The following WNK2 variants were observed in gnomAD, a reference collection of about 807,000 sequenced individuals.
WNK2 encodes the protein serine/threonine-protein kinase WNK2.
A neutral mutation model predicts 192.1 loss-of-function variants in WNK2; 67 were observed. That is an observed-to-expected ratio of 0.35 (90% CI 0.29 to 0.43). The LOEUF (loss-of-function observed/expected upper bound fraction) is 0.43, where lower values mean the gene tolerates loss of function less well. Among genes scored for constraint, WNK2 ranks in the 20% least tolerant of loss-of-function variants. WNK2 has a pLI of 1.00. For missense variants in WNK2, 2,698 were observed against 3,089.7 expected, an observed-to-expected ratio of 0.87 and a Z score of 3.01; for synonymous variants, 1,439 against 1,393.9, an observed-to-expected ratio of 1.03 and a Z score of -0.72.
In WNK2 at chr9:93,240,446, G is replaced by A. The variant is rs116405792; in HGVS notation, c.1542+470G>A. Among the ~76,000 whole-genome samples the A allele has an allele frequency of 6.5e-3, 993 of 152,270 alleles. 8 individuals are homozygous for A. Among genetic ancestry groups the A allele is most frequent in the Middle Eastern group, 0.017 (5 of 294 alleles). ...TTTTCCACCTAGAAAGGCGGGTTGG[G>A]GGTACCTTTCCGCCTCTTCTCTTCC... is the stretch of plus-strand genomic sequence containing the variant. On this transcript the variant is annotated intron_variant, in intron 7 of 29. Transcript: ENST00000427277.
At chr9:93,206,622 G>A (rs553225309) in intron 2 of WNK2, among the ~76,000 whole-genome samples, 1 of 152,266 alleles carries the variant, frequency 6.6e-6, no homozygotes, top group East Asian at 1.9e-4. Context: ...GCCTGTCCCA[G>A]GAGCCAGCAC....
chr9:93,230,359 G>T (rs1259184440), intron 3 of WNK2, among the ~76,000 whole-genome samples: 1 of 152,166 alleles, frequency 6.6e-6, no homozygotes, highest in African/African-American at 2.4e-5. Flanking sequence ...CCTCAGCCGG[G>T]CAGTTTCCGT....
intron 19 of WNK2, among the ~76,000 whole-genome samples, chr9:93,284,531 G>A (rs1299642722): frequency 1.3e-5 from 2 of 151,120 alleles, no homozygotes; most frequent in African/African-American, 4.9e-5. Context: ...TTTGAGATGG[G>A]GAACAAGATA....
chr9:93,239,681 G>T lies in WNK2; in HGVS notation c.1323-76G>T. The T allele has an allele frequency of 7.5e-7, 1 of 1,332,682 alleles. No individual in the cohort carries two copies. Among genetic ancestry groups the T allele is most frequent in the Non-Finnish European group, 1.0e-6 (1 of 965,890 alleles). The allele number at this position is 1,332,682 out of a possible 1,614,324, so 82.6% of individuals were successfully genotyped here. A position where few individuals can be genotyped will look rare whatever the true frequency, so the allele number is the denominator to read the frequency against. On this transcript the variant is annotated intron_variant, in intron 6 of 29. Coordinates refer to ENST00000427277, the MANE Select transcript of WNK2 (RefSeq NM_006648.4). This position sits in a 1 kb window ranked among gnomAD's most constrained non-coding sequence, Gnocchi z 4.2. ...TGCAGGTGTGCCTGTCCTTGTCCTG[G>T]TGCGCATGGACACAGGAGCCTGGGC...
intron 8 of WNK2, among the ~76,000 whole-genome samples, chr9:93,251,207 C>T (rs1365204359): frequency 6.6e-6 from 1 of 152,156 alleles, no homozygotes; most frequent in African/African-American, 2.4e-5. Context: ...CCACCATCTC[C>T]TGGGTTCAAG....
At chr9:93,307,646 G>A (rs909699476) in intron 27 of WNK2, 15 of 152,394 alleles carry the variant, frequency 9.8e-5, no homozygotes, top group Admixed American at 5.9e-4. Flanking sequence ...CCCATGGCAG[G>A]AGCTGGTGGG....
chr9:93,293,867 G>A (rs1849782625), intron 23 of WNK2, among the ~76,000 whole-genome samples: 1 of 150,344 alleles, frequency 6.7e-6, no homozygotes, highest in Non-Finnish European at 1.5e-5. Context: ...TTCTCTCCCT[G>A]TCTCGCTTCC....
chr9:93,317,344 G>A, intron 28 of WNK2, 176 bp from the exon 29 acceptor site: 2 of 641,340 alleles, frequency 3.1e-6, no homozygotes, highest in South Asian at 1.9e-5. Context: ...GAGGGTGATG[G>A]TTCCTGGCCC....
intron 28 of WNK2, among the ~76,000 whole-genome samples, chr9:93,314,259 G>T (rs1854194595): frequency 6.6e-6 from 1 of 151,766 alleles, no homozygotes; most frequent in Non-Finnish European, 1.5e-5. Context: ...TCCAGCCTGG[G>T]CGACAAGAGC....
chr9:93,184,894 C>G (rs1189001194), intron 1 of WNK2, 34 bp from the exon 2 acceptor site: 2 of 1,214,388 alleles, frequency 1.6e-6, no homozygotes, highest in African/African-American at 1.6e-5. Context: ...GCAGGGCCGG[C>G]GCTCACGCGG....
intron 2 of WNK2, among the ~76,000 whole-genome samples, chr9:93,225,358 G>A (rs1417438497): frequency 1.3e-5 from 2 of 152,140 alleles, no homozygotes; most frequent in Non-Finnish European, 2.9e-5. Flanking sequence ...ATCACACCAC[G>A]GCACTCCAGC....
chr9:93,226,900 A>G (rs7031132), intron 2 of WNK2, among the ~76,000 whole-genome samples: 24,466 of 152,088 alleles, frequency 0.16, 2,189 homozygotes, highest in East Asian at 0.26. Flanking sequence ...AGGTGGGTCT[A>G]TGATGAATTA....
At chr9:93,197,964 C>T (rs1587804030) in intron 2 of WNK2, among the ~76,000 whole-genome samples, 1 of 152,176 alleles carries the variant, frequency 6.6e-6, no homozygotes, top group African/African-American at 2.4e-5. Context: ...ACCATGCTCA[C>T]GTCAGTGGGG....
chr9:93,256,196 A>G, intron 9 of WNK2, 103 bp from the exon 10 acceptor site: 1 of 1,297,088 alleles, frequency 7.7e-7, no homozygotes, highest in Non-Finnish European at 1.0e-6. Flanking sequence ...GGACCCTGGT[A>G]GGGACCAGGC....
In WNK2 at chr9:93,320,392, A is replaced by T. The variant is rs1366822787; in HGVS notation, c.6654A>T (p.Ter2218CysextTer37). The stretch of plus-strand genomic sequence containing the variant: ...ATCCTGAGAGTGAGAAGCCTGACTG[A>T]CCCCGCCTAGACGCCAGGCCCACTT... ...TPDPESEKPD[*>C] Residue 2218 changes from the stop codon to cysteine, a stop_lost, in exon 30 of 30, where the codon TGA becomes TGT. Transcript: ENST00000427277. 12 of 1,367,246 alleles carry T rather than the reference A, an allele frequency of 8.8e-6. No individual in the cohort carries two copies. The highest frequency in any genetic ancestry group is 1.1e-5 in the Non-Finnish European group (11 of 1,021,774). The allele number at this position is 1,367,246 out of a possible 1,614,324, so 84.7% of individuals were successfully genotyped here.
chr9:93,250,599 G>C (rs1252667217), intron 8 of WNK2, among the ~76,000 whole-genome samples: 1 of 152,204 alleles, frequency 6.6e-6, no homozygotes. Context: ...AGATGCAACA[G>C]TATGTCAGTT....
chr9:93,193,138 G>A (rs547302548), intron 2 of WNK2, among the ~76,000 whole-genome samples: 2 of 152,294 alleles, frequency 1.3e-5, no homozygotes, highest in South Asian at 4.1e-4. Flanking sequence ...GGTGGGAAGG[G>A]GGGTTTGGGA....
At chr9:93,231,583 C>T (rs1838817568) in intron 4 of WNK2, among the ~76,000 whole-genome samples, 1 of 152,232 alleles carries the variant, frequency 6.6e-6, no homozygotes, top group African/African-American at 2.4e-5. Flanking sequence ...CTCCCAGTGT[C>T]ACCCGGGCTG....
At chr9:93,195,485 G>T (rs1831072930) in intron 2 of WNK2, among the ~76,000 whole-genome samples, 1 of 152,030 alleles carries the variant, frequency 6.6e-6, no homozygotes, top group Non-Finnish European at 1.5e-5. Context: ...GATCACTTGA[G>T]GTCAGGAGTT....
Sources: allele counts gnomAD v4.1 joint callset (sites outside exome capture counted in the v4.1 genomes callset), GRCh38; gene constraint gnomAD v4.1.1; non-coding constraint Gnocchi (gnomAD v3.1); transcripts MANE v1.5; gene names NCBI Gene and HGNC (gene_info 2026-07-23, HGNC 2026-07-21).